Variants in NPAS3 observed in about 807,000 individuals in gnomAD.
The protein encoded by NPAS3 is neuronal PAS domain-containing protein 3.
A neutral mutation model predicts 73.1 loss-of-function variants in NPAS3; 14 were observed. That is an observed-to-expected ratio of 0.19 (90% CI 0.13 to 0.30). The LOEUF is 0.30. NPAS3 is among the 10% of genes least tolerant of loss of function. The pLI, the probability that NPAS3 is intolerant of heterozygous loss-of-function variation, is 1.00. For synonymous variants in NPAS3, 620 were observed against 541.5 expected, an observed-to-expected ratio of 1.14 and a Z score of -2.01; for missense variants, 1,096 against 1,250.0, an observed-to-expected ratio of 0.88 and a Z score of 1.86.
chr14:33,451,224 C>T (rs1566915055), intron 4 of NPAS3, among the ~76,000 whole-genome samples: 1 of 152,144 alleles, frequency 6.6e-6, no homozygotes, highest in Non-Finnish European at 1.5e-5. Flanking sequence ...TACAGCTGTG[C>T]CTCCTTATTT....
intron 5 of NPAS3, among the ~76,000 whole-genome samples, chr14:33,664,395 A>G (rs2059393979): frequency 6.6e-6 from 1 of 152,244 alleles, no homozygotes; most frequent in African/African-American, 2.4e-5. Context: ...CTTAAACATA[A>G]GACCTAAAAC....
At chr14:33,594,685 G>A (rs1334201102) in intron 5 of NPAS3, among the ~76,000 whole-genome samples, 1 of 152,118 alleles carries the variant, frequency 6.6e-6, no homozygotes, top group Admixed American at 6.5e-5. Context: ...ACTGAAGGTG[G>A]GCCTCACCTT....
At chr14:33,336,052 A>G (rs1305823712) in intron 3 of NPAS3, among the ~76,000 whole-genome samples, 1 of 152,224 alleles carries the variant, frequency 6.6e-6, no homozygotes, top group Non-Finnish European at 1.5e-5. Context: ...ACCATTTTAC[A>G]TTCTCACCAG....
chr14:33,468,490 T>A (rs2050631870), intron 4 of NPAS3, among the ~76,000 whole-genome samples: 1 of 152,200 alleles, frequency 6.6e-6, no homozygotes, highest in Non-Finnish European at 1.5e-5. Flanking sequence ...GTCTCTTTTT[T>A]TCCTCTAAAA....
chr14:33,035,360 C>A (rs531945691), intron 1 of NPAS3, among the ~76,000 whole-genome samples: 7 of 152,238 alleles, frequency 4.6e-5, no homozygotes, highest in South Asian at 2.1e-4. Flanking sequence ...AGTAGCCTCA[C>A]TCCCTGAGAT....
intron 2 of NPAS3, among the ~76,000 whole-genome samples, chr14:33,126,949 T>G (rs958951826): frequency 1.5e-4 from 23 of 152,210 alleles, no homozygotes; most frequent in Admixed American, 1.0e-3. Flanking sequence ...AAAATATATA[T>G]CTCTCACTTC....
chr14:32,963,605 TCCC>T (rs2037023038), intron 1 of NPAS3, among the ~76,000 whole-genome samples: 1 of 152,138 alleles, frequency 6.6e-6, no homozygotes, highest in African/African-American at 2.4e-5. Flanking sequence ...GTCCCCTTCT[TCCC>T]CTGGACAAAT....
intron 2 of NPAS3, among the ~76,000 whole-genome samples, chr14:33,125,065 T>C (rs1028965723): frequency 6.6e-6 from 1 of 151,942 alleles, no homozygotes; most frequent in Non-Finnish European, 1.5e-5. Context: ...GAAATATGTG[T>C]TCTTTTTCCC....
chr14:33,397,263 A>G (rs1397146931), intron 4 of NPAS3, among the ~76,000 whole-genome samples: 2 of 152,176 alleles, frequency 1.3e-5, no homozygotes, highest in Non-Finnish European at 2.9e-5. Flanking sequence ...TTGAGTTTCC[A>G]CTAATAACTT....
intron 3 of NPAS3, among the ~76,000 whole-genome samples, chr14:33,318,673 C>T (rs973074670): frequency 6.6e-6 from 1 of 152,036 alleles, no homozygotes; most frequent in Non-Finnish European, 1.5e-5. Flanking sequence ...ATATTATTTT[C>T]ACTTTATTAT....
chr14:33,658,594 A>G (rs1458583559), intron 5 of NPAS3, among the ~76,000 whole-genome samples: 4 of 152,190 alleles, frequency 2.6e-5, no homozygotes, highest in Admixed American at 6.5e-5. Context: ...AAAGTGAGAG[A>G]GAGAGGCCTC....
intron 7 of NPAS3, among the ~76,000 whole-genome samples, chr14:33,761,392 T>C (rs1045778378): frequency 5.9e-5 from 9 of 152,212 alleles, no homozygotes; most frequent in African/African-American, 2.2e-4. Flanking sequence ...CACTGATTAC[T>C]TCATTAGAAC....
intron 2 of NPAS3, among the ~76,000 whole-genome samples, chr14:33,091,652 G>C (rs1021640120): frequency 4.8e-4 from 73 of 152,090 alleles, no homozygotes; most frequent in African/African-American, 1.7e-3. Context: ...ACCAAAGCCT[G>C]GTGGAGACAC....
intron 5 of NPAS3, among the ~76,000 whole-genome samples, chr14:33,640,799 C>T (rs1264024801): frequency 6.6e-6 from 1 of 152,170 alleles, no homozygotes; most frequent in Non-Finnish European, 1.5e-5. Context: ...AATACTCAAA[C>T]ATGAAACACA....
At chr14:33,147,724 AT>A (rs2044286628) in intron 2 of NPAS3, among the ~76,000 whole-genome samples, 1 of 49,626 alleles carries the variant, frequency 2.0e-5, no homozygotes, top group Non-Finnish European at 3.4e-5. Context: ...TTAAAGTAGA[AT>A]AAAAAATATA....
chr14:33,010,881 G>A (rs1370535685), intron 1 of NPAS3, among the ~76,000 whole-genome samples: 1 of 149,022 alleles, frequency 6.7e-6, no homozygotes, highest in Non-Finnish European at 1.5e-5. Context: ...GCTGCAGTGA[G>A]CTAGGATTAT....
At chr14:33,760,682 T>TTATG (rs1354928606) in intron 7 of NPAS3, among the ~76,000 whole-genome samples, 1 of 150,340 alleles carries the variant, frequency 6.7e-6, no homozygotes, top group Non-Finnish European at 1.5e-5. Flanking sequence ...CCTTTGGGGG[T>TTATG]TATGTCTGCC....
intron 1 of NPAS3, among the ~76,000 whole-genome samples, chr14:32,966,138 C>A (rs944376025): frequency 6.6e-6 from 1 of 152,088 alleles, no homozygotes; most frequent in African/African-American, 2.4e-5. Context: ...AAGCAATCTA[C>A]AGAATCAGTG....
At chr14:32,970,671 G>A (rs193021289) in intron 1 of NPAS3, among the ~76,000 whole-genome samples, 2 of 152,274 alleles carry the variant, frequency 1.3e-5, no homozygotes, top group East Asian at 3.9e-4. Context: ...CTGTAAGGGG[G>A]AAACTGTTCC....
Sources: gnomAD v4.1 joint callset for allele counts (sites outside exome capture counted in the v4.1 genomes callset) on GRCh38, gnomAD v4.1.1 for gene constraint, MANE v1.5 for transcripts, NCBI Gene and HGNC (gene_info 2026-07-23, HGNC 2026-07-21) for gene names.